Variants in SLC1A2 observed in about 807,000 individuals in gnomAD.
The protein encoded by SLC1A2 is excitatory amino acid transporter 2.
SLC1A2 carries 15 observed loss-of-function variants against 48.8 expected under a neutral mutation model. The observed-to-expected ratio is 0.31, with a 90% confidence interval of 0.21 to 0.47. The LOEUF is 0.47. SLC1A2 is among the 20% of genes least tolerant of loss of function. SLC1A2 has a pLI of 0.99. For synonymous variants in SLC1A2, 279 were observed against 272.6 expected (o/e 1.02, Z -0.23); for missense variants, 502 against 730.5 (o/e 0.69, Z 3.61).
At chr11:35,408,375 C>A (rs571471542) in intron 1 of SLC1A2, among the ~76,000 whole-genome samples, 15 of 152,162 alleles carry the variant, frequency 9.9e-5, no homozygotes, top group African/African-American at 3.6e-4. Flanking sequence ...TGGGAGGGAC[C>A]CAGAGGGAGG....
At chr11:35,348,892 CAA>C (rs397752034) in intron 1 of SLC1A2, among the ~76,000 whole-genome samples, 47 of 78,454 alleles carry the variant, frequency 6.0e-4, no homozygotes, top group African/African-American at 1.8e-3. Flanking sequence ...GACCTGGTCT[CAA>C]AAAAAAAAAA....
At chr11:35,395,721 A>G (rs1854932787) in intron 1 of SLC1A2, among the ~76,000 whole-genome samples, 2 of 143,764 alleles carry the variant, frequency 1.4e-5, no homozygotes, top group Non-Finnish European at 3.0e-5. Context: ...ACATGTGCAC[A>G]TTGTGCAGGT....
intron 2 of SLC1A2, chr11:35,315,522 A>T (rs1851845881): frequency 5.1e-6 from 1 of 195,920 alleles, no homozygotes; most frequent in Non-Finnish European, 1.1e-5. Context: ...GGCTGGGCAC[A>T]GTGGCTTGTG....
At chr11:35,278,263 GTTTTTTTTTGTTTTTTTTTT>G (rs992135854) in intron 9 of SLC1A2, among the ~76,000 whole-genome samples, 2 of 103,810 alleles carry the variant, frequency 1.9e-5, no homozygotes, top group Non-Finnish European at 3.8e-5. Context: ...TCTTACTTCT[GTTTTTTTTTGTTTTTTTTTT>G]TTTTTTTTTT....
chr11:35,393,595 T>C (rs1016053121), intron 1 of SLC1A2, among the ~76,000 whole-genome samples: 1 of 152,144 alleles, frequency 6.6e-6, no homozygotes, highest in African/African-American at 2.4e-5. Context: ...AATTCTAAAC[T>C]GGTGTTCATT....
intron 1 of SLC1A2, among the ~76,000 whole-genome samples, chr11:35,333,827 ATTTTTTT>A (rs373988431): frequency 0.025 from 3,153 of 126,250 alleles, 98 homozygotes; most frequent in African/African-American, 0.087. Context: ...ATGCCAGCTA[ATTTTTTT>A]TTTTTTTTTT....
At chr11:35,317,924 C>T (rs1565239320) in intron 1 of SLC1A2, among the ~76,000 whole-genome samples, 2 of 152,186 alleles carry the variant, frequency 1.3e-5, no homozygotes, top group Admixed American at 6.5e-5. Flanking sequence ...GTGACTTTTT[C>T]AGGAGAGTCA....
intron 1 of SLC1A2, among the ~76,000 whole-genome samples, chr11:35,366,365 C>T (rs965458682): frequency 6.6e-6 from 1 of 152,144 alleles, no homozygotes; most frequent in Non-Finnish European, 1.5e-5. Context: ...AGTGCTTTCT[C>T]GGAAGCTAGA....
intron 8 of SLC1A2, among the ~76,000 whole-genome samples, chr11:35,283,993 C>T (rs549797103): frequency 6.7e-6 from 1 of 150,102 alleles, no homozygotes; most frequent in Admixed American, 6.7e-5. Context: ...ATGTTCTCAG[C>T]CACCCTAGAA....
intron 8 of SLC1A2, 53 bp from the exon 9 acceptor site, chr11:35,281,054 C>G: frequency 6.7e-7 from 1 of 1,487,578 alleles, no homozygotes; most frequent in Non-Finnish European, 9.0e-7. Flanking sequence ...CTTAGCAAAA[C>G]CAACCCTGGC....
intron 9 of SLC1A2, among the ~76,000 whole-genome samples, chr11:35,271,521 G>A (rs1850278737): frequency 6.6e-6 from 1 of 152,198 alleles, no homozygotes; most frequent in Non-Finnish European, 1.5e-5. Context: ...GTAAATGGAA[G>A]TATGCTTCAA....
intron 9 of SLC1A2, among the ~76,000 whole-genome samples, chr11:35,268,889 T>A (rs1266529507): frequency 1.3e-5 from 2 of 152,136 alleles, no homozygotes; most frequent in Non-Finnish European, 2.9e-5. Flanking sequence ...ATCTGCCACA[T>A]GTTGAGAAGC....
At chr11:35,367,012 G>C (rs1034820514) in intron 1 of SLC1A2, among the ~76,000 whole-genome samples, 4 of 152,166 alleles carry the variant, frequency 2.6e-5, no homozygotes, top group Non-Finnish European at 5.9e-5. Flanking sequence ...CTCACTCCTG[G>C]GAGGACCTTC....
intron 1 of SLC1A2, among the ~76,000 whole-genome samples, chr11:35,366,688 G>A (rs757527768): frequency 7.2e-5 from 11 of 152,072 alleles, no homozygotes; most frequent in Non-Finnish European, 1.3e-4. Context: ...GTTTGAAGCC[G>A]TGTTGTAAAA....
At chr11:35,406,796 T>C (rs1471748252) in intron 1 of SLC1A2, among the ~76,000 whole-genome samples, 1 of 152,162 alleles carries the variant, frequency 6.6e-6, no homozygotes, top group Non-Finnish European at 1.5e-5. Flanking sequence ...CAGACATCTA[T>C]GCATTGCACA....
At position 35,268,671 on chromosome 11, in the gene SLC1A2, A is replaced by C. The variant is rs547887766; in HGVS notation, c.1422-2913T>G. On this transcript the variant is annotated intron_variant, in intron 9 of 10. Transcript: ENST00000278379. ...GAGCAAGACTCTGCCTCAAAAAAAA[A>C]AAAAGAAAGAAAGAAAAGAAAACAA... is the stretch of plus-strand genomic sequence containing the variant. Among the ~76,000 whole-genome samples, 3 of 152,142 alleles carry C rather than the reference A, an allele frequency of 2.0e-5. No homozygotes were observed. The South Asian group carries it at 6.2e-4, about 32-fold the overall frequency.
intron 7 of SLC1A2, among the ~76,000 whole-genome samples, chr11:35,289,578 C>G (rs555815687): frequency 6.6e-6 from 1 of 152,110 alleles, no homozygotes; most frequent in African/African-American, 2.4e-5. Flanking sequence ...TAAGATTCAC[C>G]TTGTCTTATA....
chr11:35,301,046 A>T (rs1851339467), intron 6 of SLC1A2, among the ~76,000 whole-genome samples: 1 of 152,144 alleles, frequency 6.6e-6, no homozygotes, highest in South Asian at 2.1e-4. Flanking sequence ...AATAGAATAA[A>T]ATTCAAATAA....
At chr11:35,269,472 G>T (rs1312019919) in intron 9 of SLC1A2, among the ~76,000 whole-genome samples, 1 of 152,122 alleles carries the variant, frequency 6.6e-6, no homozygotes, top group Admixed American at 6.5e-5. Context: ...CGTTTTTGGG[G>T]ATAACTCCAC....
Sources: gnomAD v4.1 joint callset for allele counts (sites outside exome capture counted in the v4.1 genomes callset) on GRCh38, gnomAD v4.1.1 for gene constraint, MANE v1.5 for transcripts, NCBI Gene and HGNC (gene_info 2026-07-23, HGNC 2026-07-21) for gene names.